AQP4: variants seen among roughly 807,000 people sequenced by gnomAD.
AQP4 encodes the protein aquaporin 4.
AQP4 carries 18 observed loss-of-function variants against 27.8 expected under a neutral mutation model. The ratio of observed to expected loss-of-function variants is 0.65; its 90% CI spans 0.45 to 0.96. The LOEUF (loss-of-function observed/expected upper bound fraction) is 0.96, where lower values mean the gene tolerates loss of function less well. Ranked by LOEUF, AQP4 falls within the 40% of genes least tolerant of loss-of-function variation. The pLI is 0.00. For missense variants in AQP4, 412 were observed against 408.2 expected, an observed-to-expected ratio of 1.01 and a Z score of -0.08; for synonymous variants, 141 against 142.9, an observed-to-expected ratio of 0.99 and a Z score of 0.10.
chr18:26,854,194 A>G lies in AQP4; in HGVS notation c.*2017T>C, dbSNP rs2054801702. 6.6e-6 allele frequency: 1 copy of G among 152,248 alleles called. No individual in the cohort carries two copies. The highest frequency in any genetic ancestry group is 6.5e-5 in the Admixed American group (1 of 15,290). 9.4% of individuals were successfully genotyped at this position (152,248 alleles called of 1,614,324 possible). A position where few individuals can be genotyped will look rare whatever the true frequency, so the allele number is the denominator to read the frequency against. ...TATGAAATAAACCATATGGCAGAAT[A>G]AAAATGATTATAAGCCAGTATATTG... On this transcript the variant is annotated 3_prime_UTR_variant, in exon 5 of 5. Transcript: ENST00000383168.
intron 4 of AQP4, 146 bp downstream of exon 4, chr18:26,860,626 A>T (rs2054923804): frequency 2.0e-5 from 15 of 761,110 alleles, no homozygotes; most frequent in South Asian, 1.4e-4. Flanking sequence ...TTCTTTCCCT[A>T]GTCTTTATGA....
chr18:26,865,273 A>C, intron 1 of AQP4: 1 of 343,070 alleles, frequency 2.9e-6, no homozygotes, highest in East Asian at 7.1e-5. Context: ...CCCCAGAACA[A>C]AGCGGGTTTG....
At position 26,865,673 on chromosome 18, in the gene AQP4, G is replaced by A. The variant is rs2055048243; in HGVS notation, c.17C>T (p.Thr6Ile). Reference sequence around the variant, plus strand: ...AAGGACTTACCCCCACCGCCTTGCTGTGGGTCTGTCACTCATGCCTTCCCC... The same window carrying A: ...AAGGACTTACCCCCACCGCCTTGCTATGGGTCTGTCACTCATGCCTTCCCC... MSDRP[T>I]ARRWGKCGPL... The change falls in exon 1 of 5, where the codon ACA becomes ATA. Residue 6 changes from threonine (T) to isoleucine (I), a missense_variant. Coordinates refer to ENST00000383168, the MANE Select transcript of AQP4 (RefSeq NM_001650.7). 3.1e-6 allele frequency: 5 copies of A among 1,614,084 alleles called. No individual in the cohort carries two copies. Among genetic ancestry groups the A allele is most frequent in the Admixed American group, 1.7e-5 (1 of 60,002 alleles).
chr18:26,863,247 G>C (rs989552016), intron 1 of AQP4: 3 of 154,252 alleles, frequency 1.9e-5, no homozygotes, highest in Non-Finnish European at 1.4e-5. Context: ...CGCCAGGAAC[G>C]AGCAGGCTGC....
rs1261662938 is a variant in AQP4 at position 26,865,662 on chromosome 18, A to G, written c.28T>C (p.Trp10Arg). MSDRPTARR[W>R]GKCGPLCTRE... ...TTAAGGCAAAGAAGGACTTACCCCC[A>G]CCGCCTTGCTGTGGGTCTGTCACTC... The change falls in exon 1 of 5, where the codon TGG (tryptophan) becomes CGG (arginine). Residue 10 changes from tryptophan (W) to arginine (R), a missense_variant. By Grantham distance (101) the Trp-to-Arg change is moderately radical. Transcript: ENST00000383168. The G allele has an allele frequency of 6.2e-7, 1 of 1,613,856 alleles. No homozygotes were observed. Among genetic ancestry groups the G allele is most frequent in the African/African-American group, 1.3e-5 (1 of 74,830 alleles).
In AQP4 at chr18:26,856,436, C is replaced by A; in HGVS notation, c.747G>T (p.Glu249Asp). ...ATTCAACATCTGGACAGAAGACATA[C>A]TCATAAAGGCCACCAGCGAGGACAG... ...IGAVLAGGLY[E>D]YVFCPDVEFK... Residue 249 changes from glutamate to aspartate, a missense_variant, in exon 5 of 5, where the codon GAG becomes GAT. Glu to Asp is a conservative substitution (Grantham distance 45). Coordinates refer to ENST00000383168, the MANE Select transcript of AQP4 (RefSeq NM_001650.7). 1 of 1,614,186 alleles carries A rather than the reference C, an allele frequency of 6.2e-7. No individual in the cohort carries two copies. The highest frequency in any genetic ancestry group is 8.5e-7 in the Non-Finnish European group (1 of 1,180,012).
chr18:26,862,147 T>C (rs1431122692), intron 2 of AQP4, 35 bp downstream of exon 2: 13 of 1,610,398 alleles, frequency 8.1e-6, no homozygotes, highest in African/African-American at 5.3e-5. Context: ...GCAAGAAGCT[T>C]GGAGTCCTAG....
At chr18:26,860,360 C>G (rs1270625711) in intron 4 of AQP4, among the ~76,000 whole-genome samples, 1 of 151,844 alleles carries the variant, frequency 6.6e-6, no homozygotes, top group Non-Finnish European at 1.5e-5. Context: ...CATTCTTTCT[C>G]TTTTTTTTGC....
At chr18:26,859,660 G>T (rs2054904582) in intron 4 of AQP4, among the ~76,000 whole-genome samples, 1 of 152,172 alleles carries the variant, frequency 6.6e-6, no homozygotes, top group East Asian at 1.9e-4. Flanking sequence ...CTAAGTCTTG[G>T]TTTGAACGCT....
chr18:26,853,175 G>T lies in AQP4; in HGVS notation c.*3036C>A. On this transcript the variant is annotated 3_prime_UTR_variant, in exon 5 of 5. Transcript: ENST00000383168. ...CAATACTGAGCAGCAGCTCTAGCTA[G>T]CACCTATGAGCTGCATTAGGAAAAG... 1 of 324,352 alleles carries T rather than the reference G, an allele frequency of 3.1e-6. No individual in the cohort carries two copies. Among genetic ancestry groups the T allele is most frequent in the Non-Finnish European group, 5.6e-6 (1 of 179,670 alleles). 20.1% of individuals were successfully genotyped at this position (324,352 alleles called of 1,614,324 possible). A position where few individuals can be genotyped will look rare whatever the true frequency, so the allele number is the denominator to read the frequency against.
chr18:26,865,242 C>A (rs139928491), intron 1 of AQP4: 4 of 319,236 alleles, frequency 1.3e-5, no homozygotes, highest in Non-Finnish European at 2.4e-5. Context: ...ATGATCAACA[C>A]AATTAGATTT....
chr18:26,857,823 T>C (rs1030561182), intron 4 of AQP4, among the ~76,000 whole-genome samples: 6 of 152,220 alleles, frequency 3.9e-5, no homozygotes, highest in African/African-American at 1.4e-4. Context: ...TTGTATAATC[T>C]CATTTAATTC....
intron 4 of AQP4, among the ~76,000 whole-genome samples, chr18:26,858,497 T>A (rs184006014): frequency 9.8e-4 from 149 of 152,276 alleles, no homozygotes; most frequent in Non-Finnish European, 1.1e-3. Context: ...GACATAACAT[T>A]TACGGGGAAA....
intron 1 of AQP4, among the ~76,000 whole-genome samples, chr18:26,864,633 A>G (rs1171708874): frequency 6.6e-6 from 1 of 152,224 alleles, no homozygotes; most frequent in African/African-American, 2.4e-5. Context: ...TGAAGAAGTT[A>G]GGAGAGTCAC....
chr18:26,856,804 C>T (rs754354727), intron 4 of AQP4, among the ~76,000 whole-genome samples: 5 of 152,062 alleles, frequency 3.3e-5, no homozygotes, highest in Admixed American at 6.6e-5. Flanking sequence ...ACAAATTAAG[C>T]GCACTAAGAA....
rs1170458016 is a variant in AQP4 at position 26,856,430 on chromosome 18, G to C, written c.753C>G (p.Val251=). 1 of 1,614,210 alleles carries C rather than the reference G, an allele frequency of 6.2e-7. No individual in the cohort carries two copies. The highest frequency in any genetic ancestry group is 1.1e-5 in the South Asian group (1 of 91,088). Residue 251 remains valine, a synonymous_variant, in exon 5 of 5, where the codon GTC becomes GTG. Coordinates refer to ENST00000383168, the MANE Select transcript of AQP4 (RefSeq NM_001650.7). ...AVLAGGLYEY[V]FCPDVEFKRR... is the part of the protein sequence containing the mutation. The stretch of plus-strand genomic sequence containing the variant: ...GTTTGAATTCAACATCTGGACAGAA[G>C]ACATACTCATAAAGGCCACCAGCGA...
chr18:26,862,116 G>A (rs2054956460), intron 2 of AQP4, 66 bp downstream of exon 2: 6 of 1,563,680 alleles, frequency 3.8e-6, no homozygotes, highest in Non-Finnish European at 5.3e-6. Context: ...TGCCACCAAG[G>A]CATTATTTAG....
Position 26,856,364 on chromosome 18 carries a change from T to A in AQP4, c.819A>T (p.Thr273=). 3 of 1,614,262 alleles carry A rather than the reference T, an allele frequency of 1.9e-6. No homozygotes were observed. Among genetic ancestry groups the A allele is most frequent in the Non-Finnish European group, 2.5e-6 (3 of 1,180,046 alleles). Residue 273 remains threonine (T), a synonymous_variant, in exon 5 of 5, where the codon ACA becomes ACT. Coordinates refer to ENST00000383168, the MANE Select transcript of AQP4 (RefSeq NM_001650.7). ...CCTCCACCTCCATGTAGCTTCCTTTTGTTTGCTGGGCAGCTTTGCTGAAGG... is the reference window on the plus strand; with the variant it reads ...CCTCCACCTCCATGTAGCTTCCTTTAGTTTGCTGGGCAGCTTTGCTGAAGG... The part of the protein sequence containing the change: ...KEAFSKAAQQ[T]KGSYMEVEDN...
rs1314768819 is a variant in AQP4 at position 26,865,577 on chromosome 18, A to C, written c.32+81T>G. ...GCTGCCTTCCAGATTCTGCCTAAGA[A>C]GGCACAAACATCTATAATAAAAGAG... On this transcript the variant is annotated intron_variant, in intron 1 of 4. Coordinates refer to ENST00000383168, the MANE Select transcript of AQP4 (RefSeq NM_001650.7). 1.9e-6 allele frequency: 3 copies of C among 1,588,628 alleles called. No homozygotes were observed. In the Admixed American group the frequency reaches 5.0e-5, roughly 26 times the overall value.
Sources: gnomAD v4.1 joint callset for allele counts (sites outside exome capture counted in the v4.1 genomes callset) on GRCh38, gnomAD v4.1.1 for gene constraint, MANE v1.5 for transcripts, NCBI Gene and HGNC (gene_info 2026-07-23, HGNC 2026-07-21) for gene names.